MCC: variants seen among roughly 807,000 people sequenced by gnomAD.
The protein encoded by MCC is MCC regulator of Wnt signaling pathway.
Under a neutral mutation model 116.2 loss-of-function variants are expected in MCC, and 90 were observed. The ratio of observed to expected loss-of-function variants is 0.77; its 90% confidence interval spans 0.65 to 0.92. The LOEUF (loss-of-function observed/expected upper bound fraction) is 0.92, where lower values mean the gene tolerates loss of function less well. MCC is among the 40% of genes least tolerant of loss of function. The probability of loss-of-function intolerance (pLI) is 0.00; values close to 1 mark genes in which losing one functional copy is unlikely to be tolerated. For synonymous variants in MCC, 578 were observed against 510.5 expected (o/e 1.13, Z -1.78); for missense variants, 1,516 against 1,312.2 (o/e 1.16, Z -2.40).
chr5:113,068,561 C>T (rs1273871610), intron 12 of MCC, among the ~76,000 whole-genome samples: 1 of 152,218 alleles, frequency 6.6e-6, no homozygotes, highest in Non-Finnish European at 1.5e-5. Context: ...CTGCACTGTA[C>T]CAGGGTTGGT....
intron 3 of MCC, among the ~76,000 whole-genome samples, chr5:113,217,203 G>A (rs1261715733): frequency 6.6e-6 from 1 of 152,118 alleles, no homozygotes; most frequent in Admixed American, 6.5e-5. Context: ...CTCCAAAGGA[G>A]GAGCTTCTCT....
intron 3 of MCC, among the ~76,000 whole-genome samples, chr5:113,330,732 T>C (rs1767678232): frequency 6.6e-6 from 1 of 152,222 alleles, no homozygotes; most frequent in Non-Finnish European, 1.5e-5. Context: ...TGTCTAGATA[T>C]GGGACCACTG....
intron 2 of MCC, among the ~76,000 whole-genome samples, chr5:113,350,962 A>G (rs1768252812): frequency 6.6e-6 from 1 of 152,222 alleles, no homozygotes; most frequent in Non-Finnish European, 1.5e-5. Flanking sequence ...TATCAGAGCA[A>G]TGCAAATCAA....
At chr5:113,033,756 C>G (rs6884774) in intron 17 of MCC, among the ~76,000 whole-genome samples, 123,220 of 152,214 alleles carry the variant, frequency 0.81, 49,884 homozygotes, top group African/African-American at 0.83. Flanking sequence ...AAAAACAATG[C>G]TGGATTGTAA....
intron 1 of MCC, among the ~76,000 whole-genome samples, chr5:113,411,576 GT>G (rs1769993563): frequency 6.6e-6 from 1 of 151,238 alleles, no homozygotes; most frequent in South Asian, 2.1e-4. Flanking sequence ...TTTTTCAGGA[GT>G]AATTCTTAAC....
chr5:113,231,679 A>G (rs1763945533), intron 3 of MCC, among the ~76,000 whole-genome samples: 1 of 152,218 alleles, frequency 6.6e-6, no homozygotes, highest in Admixed American at 6.5e-5. Context: ...GACAGCTATG[A>G]AAGTTACAAG....
intron 5 of MCC, among the ~76,000 whole-genome samples, chr5:113,127,233 T>G (rs1758108683): frequency 6.6e-6 from 1 of 152,244 alleles, no homozygotes; most frequent in Non-Finnish European, 1.5e-5. Flanking sequence ...TACCACATTT[T>G]CTTTATCTAA....
chr5:113,354,723 C>T (rs59786084), intron 2 of MCC, among the ~76,000 whole-genome samples: 5,913 of 151,192 alleles, frequency 0.039, 398 homozygotes, highest in African/African-American at 0.14. Flanking sequence ...CATGAGCCAC[C>T]GTGCCCGGCC....
At chr5:113,272,574 G>A (rs1477530353) in intron 3 of MCC, among the ~76,000 whole-genome samples, 3 of 152,014 alleles carry the variant, frequency 2.0e-5, no homozygotes, top group Admixed American at 6.6e-5. Flanking sequence ...TTCTTTCTCA[G>A]TAATTTCTAA....
chr5:113,154,092 G>A (rs993663106), intron 3 of MCC, among the ~76,000 whole-genome samples: 6 of 152,216 alleles, frequency 3.9e-5, no homozygotes, highest in Non-Finnish European at 7.3e-5. Flanking sequence ...TTAGTGATGG[G>A]CTTTGGGTGG....
intron 1 of MCC, among the ~76,000 whole-genome samples, chr5:113,400,501 G>T (rs891515102): frequency 7.2e-5 from 11 of 152,010 alleles, no homozygotes; most frequent in African/African-American, 2.7e-4. Flanking sequence ...TTCCCCCTTG[G>T]ATTATTTCTT....
At chr5:113,320,873 C>G (rs556476994) in intron 3 of MCC, among the ~76,000 whole-genome samples, 1 of 152,324 alleles carries the variant, frequency 6.6e-6, no homozygotes, top group East Asian at 1.9e-4. Context: ...ATGTGAATAC[C>G]AATTGTTTCA....
rs576008564 is a variant in MCC, at chr5:113,053,886, T to A, written c.2287A>T (p.Ile763Phe). Residue 763 changes from isoleucine (I) to phenylalanine (F), a missense_variant, in exon 15 of 19, where the codon ATC becomes TTC. Transcript: ENST00000408903. ...GCCCTGTCATTCTTGAGCTGCTGGATATAATCCTTCAGCCTCTGCTCGTCT... is the reference window on the plus strand; with the variant it reads ...GCCCTGTCATTCTTGAGCTGCTGGAAATAATCCTTCAGCCTCTGCTCGTCT... ...KEDEQRLKDY[I>F]QQLKNDRAAV... 4 of 1,614,168 alleles carry A rather than the reference T, an allele frequency of 2.5e-6. No homozygotes were observed. The highest frequency in any genetic ancestry group is 3.4e-6 in the Non-Finnish European group (4 of 1,180,026).
intron 17 of MCC, among the ~76,000 whole-genome samples, chr5:113,035,139 ACT>A (rs899990368): frequency 6.6e-6 from 1 of 151,464 alleles, no homozygotes; most frequent in African/African-American, 2.4e-5. Flanking sequence ...TCCAACAGCC[ACT>A]CTCTCTCCTG....
intron 3 of MCC, among the ~76,000 whole-genome samples, chr5:113,192,195 T>A (rs1389947352): frequency 1.3e-5 from 2 of 152,160 alleles, no homozygotes; most frequent in African/African-American, 4.8e-5. Context: ...CACCCACACC[T>A]GAGAGTAACC....
chr5:113,167,605 A>G (rs894129624), intron 3 of MCC, among the ~76,000 whole-genome samples: 5 of 152,106 alleles, frequency 3.3e-5, no homozygotes, highest in African/African-American at 4.8e-5. Context: ...AACATGACCT[A>G]CAACCACCAC....
chr5:113,339,728 G>GA (rs1218747516), intron 3 of MCC, among the ~76,000 whole-genome samples: 3 of 152,214 alleles, frequency 2.0e-5, no homozygotes, highest in Non-Finnish European at 2.9e-5. Flanking sequence ...GTCAGAATTA[G>GA]AAAGTGTGCC....
At chr5:113,122,185 A>G (rs568622596) in intron 6 of MCC, among the ~76,000 whole-genome samples, 2 of 152,368 alleles carry the variant, frequency 1.3e-5, no homozygotes, top group East Asian at 3.8e-4. Flanking sequence ...CCTCAAACAT[A>G]ATATGACTAT....
At chr5:113,326,331 T>TA (rs1426363427) in intron 3 of MCC, among the ~76,000 whole-genome samples, 2 of 152,196 alleles carry the variant, frequency 1.3e-5, no homozygotes, top group Non-Finnish European at 2.9e-5. Flanking sequence ...TATAACAAAA[T>TA]ACCTGAGACT....
Sources: allele counts gnomAD v4.1 joint callset (sites outside exome capture counted in the v4.1 genomes callset), GRCh38; gene constraint gnomAD v4.1.1; transcripts MANE v1.5; gene names NCBI Gene and HGNC (gene_info 2026-07-23, HGNC 2026-07-21).